Variants in CCDC178 observed in about 807,000 individuals in gnomAD.
The protein encoded by CCDC178 is coiled-coil domain-containing protein 178.
A neutral mutation model predicts 117.4 loss-of-function variants in CCDC178; 126 were observed. That is an observed-to-expected ratio of 1.07 (90% CI 0.93 to 1.24). CCDC178 has a LOEUF of 1.24. Ranked by LOEUF, CCDC178 falls within the 50% of genes most tolerant of loss-of-function variation. The probability of loss-of-function intolerance (pLI) is 0.00; values close to 1 mark genes in which losing one functional copy is unlikely to be tolerated. For missense variants in CCDC178, 1,030 were observed against 986.9 expected (o/e 1.04, Z -0.59); for synonymous variants, 283 against 313.4 (o/e 0.90, Z 1.02).
Position 33,397,216 on chromosome 18 carries a change from AG to A in CCDC178, c.59-9del, listed in dbSNP as rs780086697. The A allele has an allele frequency of 6.3e-7, 1 of 1,591,026 alleles. No individual in the cohort carries two copies. Among genetic ancestry groups the A allele is most frequent in the African/African-American group, 1.3e-5 (1 of 74,318 alleles). On this transcript the variant is annotated splice_polypyrimidine_tract_variant and intron_variant, in intron 3 of 22. Transcript: ENST00000383096. ...CTTCCTGACATGTTAAACCTATAAA[AG>A]GTAAAATAAAACAAAATAAAATATC...
chr18:33,001,008 G>T (rs574214186), intron 21 of CCDC178, among the ~76,000 whole-genome samples: 2 of 152,010 alleles, frequency 1.3e-5, no homozygotes, highest in African/African-American at 4.8e-5. Flanking sequence ...TAATAACTAC[G>T]ACAATTTTTC....
intron 12 of CCDC178, among the ~76,000 whole-genome samples, chr18:33,275,310 T>G (rs1271459592): frequency 6.6e-6 from 1 of 151,936 alleles, no homozygotes; most frequent in African/African-American, 2.4e-5. Context: ...GAAATATTTA[T>G]TTTGAAAAAC....
At chr18:33,347,446 G>A (rs1030414420) in intron 8 of CCDC178, among the ~76,000 whole-genome samples, 1 of 152,100 alleles carries the variant, frequency 6.6e-6, no homozygotes, top group African/African-American at 2.4e-5. Context: ...TGCCTCAGAA[G>A]CATTCTTATA....
intron 21 of CCDC178, among the ~76,000 whole-genome samples, chr18:32,985,102 C>A (rs896995540): frequency 1.3e-5 from 2 of 151,584 alleles, no homozygotes; most frequent in African/African-American, 4.8e-5. Context: ...AAACATTATT[C>A]GAAAAAGATT....
Position 33,267,042 on chromosome 18 carries a change from C to T in CCDC178, c.1283G>A (p.Trp428Ter), listed in dbSNP as rs1308012235. 1.0e-5 allele frequency: 16 copies of T among 1,583,632 alleles called. No homozygotes were observed. The East Asian group carries it at 3.6e-4, about 36-fold the overall frequency. The part of the protein sequence containing the change: ...VNDFYAAKKT[W>*]DIELSDVAKD... The stretch of plus-strand genomic sequence containing the variant: ...TGCAACATCAGAAAGCTCAATATCC[C>T]ATGTTTTTTTCTTTAAGAAAAGAAT... The change falls in exon 14 of 23, where the codon TGG becomes TAG. Residue 428 changes from tryptophan (W) to a stop codon, truncating the protein, a stop_gained. Coordinates refer to ENST00000383096, the MANE Select transcript of CCDC178 (RefSeq NM_001105528.4). LOFTEE classifies it high-confidence loss of function.
intron 21 of CCDC178, among the ~76,000 whole-genome samples, chr18:33,041,109 G>T (rs192202593): frequency 6.6e-6 from 1 of 151,728 alleles, no homozygotes; most frequent in Admixed American, 6.6e-5. Context: ...CAGTTTTTTA[G>T]TAACTATTGT....
intron 3 of CCDC178, among the ~76,000 whole-genome samples, 182 bp from the exon 4 acceptor site, chr18:33,397,390 T>C (rs974063179): frequency 6.6e-6 from 1 of 152,138 alleles, no homozygotes; most frequent in Non-Finnish European, 1.5e-5. Flanking sequence ...TGATGGTGTT[T>C]CTCTGCAAAA....
chr18:32,997,655 T>C (rs7233472), intron 21 of CCDC178, among the ~76,000 whole-genome samples: 20,928 of 152,036 alleles, frequency 0.14, 1,955 homozygotes, highest in African/African-American at 0.27. Flanking sequence ...TGTGTATGTA[T>C]ATATAAAGAC....
chr18:33,241,037 T>A (rs186313506), intron 15 of CCDC178, among the ~76,000 whole-genome samples: 1 of 152,060 alleles, frequency 6.6e-6, no homozygotes, highest in East Asian at 1.9e-4. Flanking sequence ...AAAATATGGT[T>A]CAACACATGT....
chr18:32,981,408 C>G (rs2055151863), intron 21 of CCDC178, among the ~76,000 whole-genome samples: 1 of 152,110 alleles, frequency 6.6e-6, no homozygotes. Context: ...CTGGTTTAAA[C>G]ATGCAAAACA....
At chr18:33,070,291 G>T (rs1324091780) in intron 21 of CCDC178, among the ~76,000 whole-genome samples, 1 of 151,484 alleles carries the variant, frequency 6.6e-6, no homozygotes, top group African/African-American at 2.4e-5. Flanking sequence ...TCCATCAGTG[G>T]ATGAATGAAT....
chr18:32,994,846 G>A (rs1443638332), intron 21 of CCDC178, among the ~76,000 whole-genome samples: 2 of 152,142 alleles, frequency 1.3e-5, no homozygotes, highest in African/African-American at 4.8e-5. Flanking sequence ...GTGTGAAAGG[G>A]ATAAAAATAA....
At chr18:33,233,380 G>T (rs1164527220) in intron 15 of CCDC178, among the ~76,000 whole-genome samples, 1 of 151,938 alleles carries the variant, frequency 6.6e-6, no homozygotes, top group African/African-American at 2.4e-5. Context: ...GTAAAATTGG[G>T]ATAACACTTT....
chr18:33,169,622 T>C (rs2058574041), intron 20 of CCDC178, among the ~76,000 whole-genome samples: 1 of 152,208 alleles, frequency 6.6e-6, no homozygotes, highest in South Asian at 2.1e-4. Context: ...TTATATTCCT[T>C]CTGTCAGATG....
intron 21 of CCDC178, among the ~76,000 whole-genome samples, chr18:33,001,246 G>A (rs1336178036): frequency 2.6e-5 from 4 of 152,252 alleles, no homozygotes; most frequent in East Asian, 3.9e-4. Context: ...GAGGCCAGGC[G>A]CAGTGGCTCA....
At chr18:33,233,173 G>A (rs1299858634) in intron 15 of CCDC178, among the ~76,000 whole-genome samples, 1 of 152,042 alleles carries the variant, frequency 6.6e-6, no homozygotes, top group Non-Finnish European at 1.5e-5. Context: ...TGTTGGCTTT[G>A]TTCTTGGTTA....
At position 33,182,059 on chromosome 18, in the gene CCDC178, G is replaced by C. The variant is rs1303707930; in HGVS notation, c.2238+29837C>G. Reference sequence around the variant, plus strand: ...TATCATTGTGACTTGCAAGAAAAAGGTAAAAAAATGCAAAATAGCTGACAC... The same window carrying C: ...TATCATTGTGACTTGCAAGAAAAAGCTAAAAAAATGCAAAATAGCTGACAC... On this transcript the variant is annotated intron_variant, in intron 20 of 22. Transcript: ENST00000383096. Among the ~76,000 whole-genome samples the C allele has an allele frequency of 2.0e-5, 3 of 151,720 alleles. No homozygotes were observed. The East Asian group carries it at 5.8e-4, about 29-fold the overall frequency.
intron 6 of CCDC178, among the ~76,000 whole-genome samples, chr18:33,364,407 A>G (rs796335997): frequency 1.2e-4 from 19 of 152,210 alleles, no homozygotes; most frequent in African/African-American, 4.3e-4. Context: ...CTAAATATAG[A>G]CAACTTTCAG....
intron 20 of CCDC178, among the ~76,000 whole-genome samples, chr18:33,176,378 T>A (rs1364825335): frequency 6.6e-6 from 1 of 152,114 alleles, no homozygotes; most frequent in Non-Finnish European, 1.5e-5. Context: ...AAACCAATCA[T>A]CCCATTTTGT....
Sources: gnomAD v4.1 joint callset for allele counts (sites outside exome capture counted in the v4.1 genomes callset) on GRCh38, gnomAD v4.1.1 for gene constraint, MANE v1.5 for transcripts, NCBI Gene and HGNC (gene_info 2026-07-23, HGNC 2026-07-21) for gene names.